EGF: variants seen among roughly 807,000 people sequenced by gnomAD.
EGF encodes epidermal growth factor.
A neutral mutation model predicts 143.8 loss-of-function variants in EGF; 95 were observed. That is an observed-to-expected ratio of 0.66 (90% confidence interval 0.56 to 0.78). The LOEUF (loss-of-function observed/expected upper bound fraction) is 0.78, where lower values mean the gene tolerates loss of function less well. EGF is among the 30% of genes least tolerant of loss of function. The pLI, the probability that EGF is intolerant of heterozygous loss-of-function variation, is 0.00. For missense variants in EGF, 1,320 were observed against 1,470.9 expected, an observed-to-expected ratio of 0.90 and a Z score of 1.68; for synonymous variants, 510 against 510.5, an observed-to-expected ratio of 1.00 and a Z score of 0.01.
intron 21 of EGF, among the ~76,000 whole-genome samples, chr4:110,000,441 A>G (rs1486038040): frequency 6.6e-6 from 1 of 152,012 alleles, no homozygotes; most frequent in African/African-American, 2.4e-5. Context: ...TTTGTTTAAT[A>G]TTATATGCTC....
At chr4:109,952,064 G>T (rs1256706815) in intron 5 of EGF, among the ~76,000 whole-genome samples, 1 of 151,852 alleles carries the variant, frequency 6.6e-6, no homozygotes, top group African/African-American at 2.4e-5. Flanking sequence ...TTTTTTGTTG[G>T]CATGATTAAA....
At chr4:109,945,903 T>C (rs1742776281) in intron 5 of EGF, among the ~76,000 whole-genome samples, 1 of 152,210 alleles carries the variant, frequency 6.6e-6, no homozygotes, top group African/African-American at 2.4e-5. Context: ...TTAACTTTTG[T>C]TATTCTTGGT....
At chr4:109,935,720 T>C (rs1054312460) in intron 1 of EGF, among the ~76,000 whole-genome samples, 1 of 152,160 alleles carries the variant, frequency 6.6e-6, no homozygotes, top group Non-Finnish European at 1.5e-5. Flanking sequence ...TATTTTGAGA[T>C]ACGTTCCATC....
intron 8 of EGF, among the ~76,000 whole-genome samples, chr4:109,962,199 T>A (rs1745816421): frequency 6.6e-6 from 1 of 152,262 alleles, no homozygotes; most frequent in African/African-American, 2.4e-5. Context: ...GTCTAACTTA[T>A]GAGCAAGGGC....
intron 18 of EGF, 103 bp downstream of exon 18, chr4:109,988,812 GAC>G: frequency 1.3e-6 from 2 of 1,540,284 alleles, no homozygotes. Context: ...TAATTGGGGT[GAC>G]ACACATGTCA....
At chr4:109,953,857 A>G (rs1030770332) in intron 5 of EGF, among the ~76,000 whole-genome samples, 2 of 152,160 alleles carry the variant, frequency 1.3e-5, no homozygotes, top group Non-Finnish European at 2.9e-5. Context: ...GGTGGTGACA[A>G]TGGTAGTGGA....
Position 109,960,416 on chromosome 4 carries a change from G to A in EGF, c.1067-451G>A, listed in dbSNP as rs530118904. 7.2e-5 allele frequency among the ~76,000 whole-genome samples: 11 copies of A among 152,132 alleles called. No individual in the cohort carries two copies. In the South Asian group the frequency reaches 1.2e-3, roughly 17 times the overall value. The stretch of plus-strand genomic sequence containing the variant: ...TCTCGGCACTTTGGGAAGCCAAGGC[G>A]GGCAGATCACTTGAGTCCCAGAGTT... On this transcript the variant is annotated intron_variant, in intron 6 of 23. Coordinates refer to ENST00000265171, the MANE Select transcript of EGF (RefSeq NM_001963.6).
chr4:109,988,493 T>C (rs1578355191), intron 17 of EGF, 91 bp from the exon 18 acceptor site: 1 of 1,586,052 alleles, frequency 6.3e-7, no homozygotes, highest in Non-Finnish European at 8.6e-7. Flanking sequence ...TGAATAAGAA[T>C]TGAATATACG....
At chr4:109,947,777 T>C (rs1743097154) in intron 5 of EGF, among the ~76,000 whole-genome samples, 1 of 152,238 alleles carries the variant, frequency 6.6e-6, no homozygotes, top group African/African-American at 2.4e-5. Flanking sequence ...AACCCTCTCT[T>C]ACATTTATAT....
chr4:109,986,824 T>G (rs138600235), intron 16 of EGF, among the ~76,000 whole-genome samples: 1 of 152,102 alleles, frequency 6.6e-6, no homozygotes, highest in East Asian at 1.9e-4. Flanking sequence ...TTCAATGGAG[T>G]ATGAAATGAA....
At position 109,926,988 on chromosome 4, in the gene EGF, C is replaced by T. The variant is rs547650323; in HGVS notation, c.127+13526C>T. 1.1e-4 allele frequency among the ~76,000 whole-genome samples: 16 copies of T among 152,272 alleles called. No individual in the cohort carries two copies. In the East Asian group the frequency reaches 3.1e-3, roughly 29 times the overall value. ...TTTTAAAACATTTACAAACAGCTTT[C>T]TAAGCTATTTTAAAAAAATCTTCCA... On this transcript the variant is annotated intron_variant, in intron 1 of 23. Transcript: ENST00000265171.
rs529442252 is a variant in EGF at position 110,006,220 on chromosome 4, T to A, written c.3291+1598T>A. ...CTTTGCTGGGTGTGGTGGTACACAC[T>A]TGCAGTTTCAGGTACTCAAGAGACT... On this transcript the variant is annotated intron_variant, in intron 22 of 23. Coordinates refer to ENST00000265171, the MANE Select transcript of EGF (RefSeq NM_001963.6). 1.6e-3 allele frequency among the ~76,000 whole-genome samples: 247 copies of A among 152,012 alleles called. 1 individual carries two copies. Among genetic ancestry groups the A allele is most frequent in the African/African-American group, 5.3e-3 (221 of 41,464 alleles).
At chr4:109,992,118 G>C (rs1751017375) in intron 18 of EGF, among the ~76,000 whole-genome samples, 1 of 131,060 alleles carries the variant, frequency 7.6e-6, no homozygotes, top group Non-Finnish European at 1.5e-5. Flanking sequence ...AGGCTACAAT[G>C]AGCCATGATC....
At chr4:109,931,313 A>G (rs1368752729) in intron 1 of EGF, among the ~76,000 whole-genome samples, 1 of 152,244 alleles carries the variant, frequency 6.6e-6, no homozygotes. Flanking sequence ...ATTTTATTAC[A>G]TTCTTACAAA....
At chr4:109,961,486 T>G (rs1217297070) in intron 7 of EGF, among the ~76,000 whole-genome samples, 2 of 152,254 alleles carry the variant, frequency 1.3e-5, no homozygotes, top group African/African-American at 4.8e-5. Flanking sequence ...TTTGTCTGTA[T>G]TACCTTATAT....
rs3796942 is a variant in EGF, at chr4:109,987,201, G to A, written c.2492-543G>A. Among the ~76,000 whole-genome samples, 1,980 of 152,262 alleles carry A rather than the reference G, an allele frequency of 0.013. 190 individuals are homozygous for A. The East Asian group carries it at 0.22, about 17-fold the overall frequency. Reference sequence around the variant, plus strand: ...AAATGCTTTTAAAAATTATAAATAAGTTCATATAGGGTTCCTTGAACACAC... The same window carrying A: ...AAATGCTTTTAAAAATTATAAATAAATTCATATAGGGTTCCTTGAACACAC... On this transcript the variant is annotated intron_variant, in intron 16 of 23. Coordinates refer to ENST00000265171, the MANE Select transcript of EGF (RefSeq NM_001963.6).
At chr4:109,954,065 A>T (rs1288339103) in intron 5 of EGF, among the ~76,000 whole-genome samples, 1 of 152,070 alleles carries the variant, frequency 6.6e-6, no homozygotes, top group Non-Finnish European at 1.5e-5. Flanking sequence ...TTATTTATTT[A>T]TTTTGAGACG....
chr4:109,940,865 T>C, intron 1 of EGF, 81 bp from the exon 2 acceptor site: 1 of 1,338,022 alleles, frequency 7.5e-7, no homozygotes, highest in Non-Finnish European at 1.1e-6. Flanking sequence ...TCTGCTTGTG[T>C]TGGTTGTCAT....
In EGF at chr4:110,011,365, T is replaced by A; in HGVS notation, c.3534T>A (p.Gly1178=). 1 of 1,613,854 alleles carries A rather than the reference T, an allele frequency of 6.2e-7. No individual in the cohort carries two copies. The highest frequency in any genetic ancestry group is 8.5e-7 in the Non-Finnish European group (1 of 1,179,962). ...PSYGTQTLEG[G]VEKPHSLLSA... Reference sequence around the variant, plus strand: ...ATGGGACACAGACCCTTGAAGGGGGTGTCGAGAAGCCCCATTCTCTCCTAT... The same window carrying A: ...ATGGGACACAGACCCTTGAAGGGGGAGTCGAGAAGCCCCATTCTCTCCTAT... The change falls in exon 24 of 24, where the codon GGT becomes GGA. Residue 1178 remains glycine, a synonymous_variant. Coordinates refer to ENST00000265171, the MANE Select transcript of EGF (RefSeq NM_001963.6).
Sources: gnomAD v4.1 joint callset for allele counts (sites outside exome capture counted in the v4.1 genomes callset) on GRCh38, gnomAD v4.1.1 for gene constraint, MANE v1.5 for transcripts, NCBI Gene and HGNC (gene_info 2026-07-23, HGNC 2026-07-21) for gene names.